Variants in HYCC1 observed in about 807,000 individuals in gnomAD.
HYCC1 encodes the protein hyccin.
chr7:22,991,078 AT>A, the HYCC1 span: 1 of 1,609,214 alleles, frequency 6.2e-7, no homozygotes, highest in Non-Finnish European at 8.5e-7. Context: ...TCTGACAACC[AT>A]TCCTCCACAA....
the HYCC1 span, among the ~76,000 whole-genome samples, chr7:22,981,388 AAAT>A: frequency 3.3e-5 from 5 of 152,238 alleles, no homozygotes; most frequent in Admixed American, 6.5e-5. Context: ...AAATTCTGGA[AAAT>A]AATAATATCA....
the HYCC1 span, chr7:22,984,106 T>C: frequency 2.0e-6 from 2 of 976,490 alleles, no homozygotes; most frequent in South Asian, 1.3e-5. Flanking sequence ...GGCAAATCCA[T>C]AGATGCAGAA....
the HYCC1 span, among the ~76,000 whole-genome samples, chr7:22,922,220 T>A: frequency 2.6e-5 from 4 of 152,128 alleles, no homozygotes; most frequent in South Asian, 8.3e-4. Flanking sequence ...TAATCTAACT[T>A]TATGAATAAT....
At chr7:22,948,145 G>A in the HYCC1 span, among the ~76,000 whole-genome samples, 2 of 151,998 alleles carry the variant, frequency 1.3e-5, no homozygotes, top group African/African-American at 4.8e-5. Context: ...TGTAAATGGG[G>A]AAAAGTAACA....
At chr7:22,925,272 C>T in the HYCC1 span, among the ~76,000 whole-genome samples, 2 of 152,132 alleles carry the variant, frequency 1.3e-5, no homozygotes, top group African/African-American at 2.4e-5. Context: ...AAAATCAGAG[C>T]GCCTCTCCTC....
the HYCC1 span, among the ~76,000 whole-genome samples, chr7:23,002,136 GTA>G: frequency 9.5e-3 from 724 of 76,524 alleles, 3 homozygotes; most frequent in Non-Finnish European, 0.011. Context: ...GGTAAAAATT[GTA>G]TATATATATA....
At chr7:22,994,208 G>A in the HYCC1 span, among the ~76,000 whole-genome samples, 640 of 152,188 alleles carry the variant, frequency 4.2e-3, 1 homozygote, top group African/African-American at 0.014. Context: ...GTAGTTGAAC[G>A]AATAAATTAC....
chr7:22,960,387 G>A, the HYCC1 span: 2 of 1,613,260 alleles, frequency 1.2e-6, no homozygotes, highest in East Asian at 4.5e-5. Context: ...GGGACCATGA[G>A]GCAATGAAGC....
the HYCC1 span, among the ~76,000 whole-genome samples, chr7:22,920,166 T>G: frequency 1.3e-5 from 2 of 151,738 alleles, no homozygotes. Context: ...GATTTTTTTG[T>G]AGATCCTGCC....
chr7:22,987,523 G>A, the HYCC1 span, among the ~76,000 whole-genome samples: 2 of 152,178 alleles, frequency 1.3e-5, no homozygotes, highest in African/African-American at 4.8e-5. Context: ...ACTCCAGCTT[G>A]GGTGACAGTG....
chr7:23,002,177 C>CACACAATTATATATATATAT, the HYCC1 span, among the ~76,000 whole-genome samples: 1 of 66,960 alleles, frequency 1.5e-5, no homozygotes, highest in African/African-American at 4.8e-5. Flanking sequence ...TATATATATA[C>CACACAATTATATATATATAT]ATATAGTTTG....
At chr7:23,003,971 GT>G in the HYCC1 span, among the ~76,000 whole-genome samples, 1 of 151,470 alleles carries the variant, frequency 6.6e-6, no homozygotes, top group Non-Finnish European at 1.5e-5. Flanking sequence ...GTTTTTCTTG[GT>G]TTAAAAACAT....
chr7:22,968,093 A>G, the HYCC1 span, among the ~76,000 whole-genome samples: 3 of 152,190 alleles, frequency 2.0e-5, no homozygotes, highest in Non-Finnish European at 4.4e-5. Flanking sequence ...ATACATACAT[A>G]TAAGTCACAT....
At chr7:22,999,806 T>C in the HYCC1 span, among the ~76,000 whole-genome samples, 1 of 152,244 alleles carries the variant, frequency 6.6e-6, no homozygotes, top group South Asian at 2.1e-4. Flanking sequence ...ATATGATCTG[T>C]GTCCTCAAGG....
the HYCC1 span, chr7:22,939,953 T>G: frequency 6.6e-6 from 1 of 152,186 alleles, no homozygotes; most frequent in Non-Finnish European, 1.5e-5. Flanking sequence ...TAAAAAATCT[T>G]TCTCTACAAT....
chr7:22,919,414 A>G, the HYCC1 span, among the ~76,000 whole-genome samples: 1 of 152,124 alleles, frequency 6.6e-6, no homozygotes, highest in Non-Finnish European at 1.5e-5. Flanking sequence ...CTGTAATCCC[A>G]ACTTCTCAGA....
chr7:22,985,878 A>T, the HYCC1 span: 31 of 149,684 alleles, frequency 2.1e-4, no homozygotes, highest in Non-Finnish European at 4.3e-4. Context: ...GATGTCTAAC[A>T]TATGTAACTA....
the HYCC1 span, among the ~76,000 whole-genome samples, chr7:22,971,508 C>G: frequency 6.6e-6 from 1 of 150,926 alleles, no homozygotes; most frequent in African/African-American, 2.4e-5. Context: ...AACCCTGTCT[C>G]TACTAAAAAT....
chr7:22,933,395 C>A, the HYCC1 span, among the ~76,000 whole-genome samples: 27 of 152,018 alleles, frequency 1.8e-4, no homozygotes, highest in Non-Finnish European at 3.2e-4. Flanking sequence ...GATAGTTGAC[C>A]TTTTCATCAT....
Sources: allele counts gnomAD v4.1 joint callset (sites outside exome capture counted in the v4.1 genomes callset), GRCh38; gene constraint gnomAD v4.1.1; transcripts MANE v1.5; gene names NCBI Gene and HGNC (gene_info 2026-07-23, HGNC 2026-07-21).